The following NEMP2 variants were observed in gnomAD, a reference collection of about 807,000 sequenced individuals.
NEMP2 encodes the protein UPF0571 transmembrane protein.
A neutral mutation model predicts 54.2 loss-of-function variants in NEMP2; 53 were observed. The ratio of observed to expected loss-of-function variants is 0.98; its 90% CI spans 0.78 to 1.23. The LOEUF (loss-of-function observed/expected upper bound fraction) is 1.23, where lower values mean the gene tolerates loss of function less well. Ranked by LOEUF, NEMP2 falls within the 50% of genes most tolerant of loss-of-function variation. The pLI is 0.00. For synonymous variants in NEMP2, 197 were observed against 190.3 expected (o/e 1.04, Z -0.29); for missense variants, 455 against 511.3 (o/e 0.89, Z 1.06).
the NEMP2 span, among the ~76,000 whole-genome samples, chr2:190,451,896 G>A: frequency 6.6e-6 from 1 of 152,220 alleles, no homozygotes; most frequent in Non-Finnish European, 1.5e-5. This position sits in a 1 kb window ranked among gnomAD's most constrained non-coding sequence, Gnocchi z 5.0. Flanking sequence ...GAAGGCAATT[G>A]CTTGGGCAGA....
the NEMP2 span, among the ~76,000 whole-genome samples, chr2:190,589,259 G>A: frequency 6.6e-6 from 1 of 152,236 alleles, no homozygotes; most frequent in South Asian, 2.1e-4. This position sits in a 1 kb window ranked among gnomAD's most constrained non-coding sequence, Gnocchi z 4.3. Flanking sequence ...CAGCTACCAG[G>A]AATGCCCCTT....
rs1375367789 is a variant in NEMP2 at position 190,523,936 on chromosome 2, C to T, written c.213+1327G>A. Among the ~76,000 whole-genome samples, 1 of 152,002 alleles carries T rather than the reference C, an allele frequency of 6.6e-6. No homozygotes were observed. The highest frequency in any genetic ancestry group is 1.5e-5 in the Non-Finnish European group (1 of 68,010). On this transcript the variant is annotated intron_variant, in intron 2 of 8. Coordinates refer to ENST00000409150, the MANE Select transcript of NEMP2 (RefSeq NM_001142645.2). This position sits in a 1 kb window ranked among gnomAD's most constrained non-coding sequence, Gnocchi z 5.3. The stretch of plus-strand genomic sequence containing the variant: ...GGAATAATGGTGCCAGGCGCAGTGG[C>T]TTGCGCCTGTAATCCCAGCATTCTG...
chr2:190,504,170 G>T (rs760865960), downstream of NEMP2, among the ~76,000 whole-genome samples: 1 of 152,110 alleles, frequency 6.6e-6, no homozygotes, highest in Admixed American at 6.5e-5. This position sits in a 1 kb window ranked among gnomAD's most constrained non-coding sequence, Gnocchi z 5.6. Flanking sequence ...ACATCTCTGG[G>T]CCTCAGGACC....
At chr2:190,575,699 T>C in the NEMP2 span, among the ~76,000 whole-genome samples, 1 of 151,978 alleles carries the variant, frequency 6.6e-6, no homozygotes, top group Non-Finnish European at 1.5e-5. Context: ...TACTAAAAAA[T>C]ACAAAAATTA....
chr2:190,628,729 A>AAG, the NEMP2 span: 1 of 152,192 alleles, frequency 6.6e-6, no homozygotes, highest in Admixed American at 6.5e-5. The surrounding 1 kb of genome is among the most constrained non-coding windows in gnomAD (Gnocchi z 4.1). Context: ...CAGGCAGTGA[A>AAG]AGAGAGAGAG....
At chr2:190,647,351 T>A in the NEMP2 span, among the ~76,000 whole-genome samples, 1 of 152,232 alleles carries the variant, frequency 6.6e-6, no homozygotes, top group Non-Finnish European at 1.5e-5. Context: ...ATTAAAGTCT[T>A]TTTCTTTCAA....
At chr2:190,452,950 C>T in the NEMP2 span, among the ~76,000 whole-genome samples, 106,384 of 152,070 alleles carry the variant, frequency 0.7, 38,326 homozygotes, top group Admixed American at 0.79. Flanking sequence ...AAATATTGTG[C>T]TCATTCAATA....
chr2:190,434,471 C>G, the NEMP2 span, among the ~76,000 whole-genome samples: 3 of 152,152 alleles, frequency 2.0e-5, no homozygotes. The surrounding 1 kb of genome is among the most constrained non-coding windows in gnomAD (Gnocchi z 4.3). Context: ...GAGTCTCGCT[C>G]TGTTGCCAGG....
the NEMP2 span, among the ~76,000 whole-genome samples, chr2:190,558,730 T>C: frequency 7.2e-5 from 11 of 152,140 alleles, no homozygotes. This position sits in a 1 kb window ranked among gnomAD's most constrained non-coding sequence, Gnocchi z 4.4. Context: ...TGGGCTTTAT[T>C]ATGTGGAAAA....
downstream of NEMP2, chr2:190,501,523 A>C (rs1212227300): frequency 6.6e-6 from 1 of 152,206 alleles, no homozygotes; most frequent in African/African-American, 2.4e-5. Flanking sequence ...TAGCTGAATA[A>C]AGGTGAATTA....
At chr2:190,460,634 G>T in the NEMP2 span, among the ~76,000 whole-genome samples, 11 of 152,162 alleles carry the variant, frequency 7.2e-5, no homozygotes, top group Non-Finnish European at 1.5e-4. Context: ...TCAGGTTGTA[G>T]GTGCACTGTT....
At chr2:190,492,501 T>A in the NEMP2 span, among the ~76,000 whole-genome samples, 1 of 152,200 alleles carries the variant, frequency 6.6e-6, no homozygotes, top group Non-Finnish European at 1.5e-5. This position sits in a 1 kb window ranked among gnomAD's most constrained non-coding sequence, Gnocchi z 5.2. Flanking sequence ...TTCAGCCTCA[T>A]AATTAATTTC....
In NEMP2 at chr2:190,518,939, A is replaced by G; in HGVS notation, c.445+13T>C. Reference sequence around the variant, plus strand: ...TGAATCCAGAAAGTCAAGTATAATAAAATCGGACTTACTGTTTCGATTCAC... The same window carrying G: ...TGAATCCAGAAAGTCAAGTATAATAGAATCGGACTTACTGTTTCGATTCAC... On this transcript the variant is annotated intron_variant, in intron 3 of 8. Transcript: ENST00000409150. 1 of 1,541,758 alleles carries G rather than the reference A, an allele frequency of 6.5e-7. No individual in the cohort carries two copies. The highest frequency in any genetic ancestry group is 8.8e-7 in the Non-Finnish European group (1 of 1,139,828).
At chr2:190,610,562 C>T in the NEMP2 span, 1 of 152,216 alleles carries the variant, frequency 6.6e-6, no homozygotes, top group African/African-American at 2.4e-5. This position sits in a 1 kb window ranked among gnomAD's most constrained non-coding sequence, Gnocchi z 5.4. Flanking sequence ...TAAAGGAGAG[C>T]ATACCATTCC....
At chr2:190,585,729 C>T in the NEMP2 span, among the ~76,000 whole-genome samples, 12 of 152,130 alleles carry the variant, frequency 7.9e-5, no homozygotes, top group African/African-American at 1.2e-4. This position sits in a 1 kb window ranked among gnomAD's most constrained non-coding sequence, Gnocchi z 5.3. Context: ...TTCCTAATTT[C>T]GATCCTATTG....
At chr2:190,448,491 T>G in the NEMP2 span, among the ~76,000 whole-genome samples, 7 of 152,114 alleles carry the variant, frequency 4.6e-5, no homozygotes, top group East Asian at 1.2e-3. Flanking sequence ...TTAAAAGAAA[T>G]AGACTAGATC....
chr2:190,559,448 G>C, the NEMP2 span, among the ~76,000 whole-genome samples: 1 of 152,162 alleles, frequency 6.6e-6, no homozygotes, highest in Non-Finnish European at 1.5e-5. This position sits in a 1 kb window ranked among gnomAD's most constrained non-coding sequence, Gnocchi z 4.0. Context: ...GGTTGTCAGG[G>C]TGAGTGTAGA....
At chr2:190,455,065 G>T in the NEMP2 span, among the ~76,000 whole-genome samples, 1 of 152,012 alleles carries the variant, frequency 6.6e-6, no homozygotes, top group East Asian at 1.9e-4. Flanking sequence ...GAAAGGAACA[G>T]ATTTGCTTTT....
the NEMP2 span, among the ~76,000 whole-genome samples, chr2:190,643,021 A>T: frequency 8.6e-5 from 8 of 93,300 alleles, no homozygotes; most frequent in East Asian, 1.3e-3. Context: ...GAAATGGTTA[A>T]GGTTTTTTTT....
Sources: allele counts gnomAD v4.1 joint callset (sites outside exome capture counted in the v4.1 genomes callset), GRCh38; gene constraint gnomAD v4.1.1; non-coding constraint Gnocchi (gnomAD v3.1); transcripts MANE v1.5; gene names NCBI Gene and HGNC (gene_info 2026-07-23, HGNC 2026-07-21).